The following LGR4 variants were observed in gnomAD, a reference collection of about 807,000 sequenced individuals.
LGR4 encodes the protein leucine-rich repeat-containing G protein-coupled receptor 4.
In LGR4, 44 loss-of-function variants were observed where a neutral mutation model predicts 84.8. That is an observed-to-expected ratio of 0.52 (90% CI 0.41 to 0.67). The LOEUF (loss-of-function observed/expected upper bound fraction) is 0.67, where lower values mean the gene tolerates loss of function less well. Ranked by LOEUF, LGR4 falls within the 30% of genes least tolerant of loss-of-function variation. LGR4 has a pLI of 0.00. For missense variants in LGR4, 1,032 were observed against 1,131.4 expected, an observed-to-expected ratio of 0.91 and a Z score of 1.26; for synonymous variants, 429 against 434.3, an observed-to-expected ratio of 0.99 and a Z score of 0.15.
chr11:27,384,335 C>G lies in LGR4; in HGVS notation c.689+1G>C. On this transcript the variant is annotated splice_donor_variant, in intron 6 of 17. Coordinates refer to ENST00000379214, the MANE Select transcript of LGR4 (RefSeq NM_018490.5). LOFTEE classifies it high-confidence loss of function. Reference sequence around the variant, plus strand: ...GTTGCCCAAAATATGAATATACTTACAAGGTCTCCAGGTTATCTAGTCCAT... The same window carrying G: ...GTTGCCCAAAATATGAATATACTTAGAAGGTCTCCAGGTTATCTAGTCCAT... 6.3e-7 allele frequency: 1 copy of G among 1,589,022 alleles called. No homozygotes were observed. Among genetic ancestry groups the G allele is most frequent in the Non-Finnish European group, 8.6e-7 (1 of 1,158,664 alleles).
intron 2 of LGR4, among the ~76,000 whole-genome samples, chr11:27,407,056 T>C (rs1431611649): frequency 2.0e-5 from 3 of 152,168 alleles, no homozygotes; most frequent in African/African-American, 7.2e-5. Flanking sequence ...CATTGAACTC[T>C]GTAAGGTCTA....
At chr11:27,371,794 C>T (rs1211640031) in intron 16 of LGR4, 96 bp from the exon 17 acceptor site, 8 of 806,272 alleles carry the variant, frequency 9.9e-6, no homozygotes, top group Non-Finnish European at 1.6e-5. Flanking sequence ...AGTGTGAGTT[C>T]TCCTTATAGA....
At chr11:27,414,390 G>A (rs1156316319) in intron 1 of LGR4, among the ~76,000 whole-genome samples, 3 of 145,440 alleles carry the variant, frequency 2.1e-5, no homozygotes, top group Admixed American at 6.8e-5. Context: ...CTTGACAACC[G>A]GGGTTTAAAA....
chr11:27,472,486 G>C lies in LGR4; in HGVS notation c.-184C>G. On this transcript the variant is annotated 5_prime_UTR_variant, in exon 1 of 18. Coordinates refer to ENST00000379214, the MANE Select transcript of LGR4 (RefSeq NM_018490.5). ...AGCGGCGCAGGGACGCGGCGCTCCG[G>C]AGTTTCGCCCTTCCCGCTGCTCCAT... 2.5e-6 allele frequency: 1 copy of C among 406,596 alleles called. No homozygotes were observed. 25.2% of individuals were successfully genotyped at this position (406,596 alleles called of 1,614,324 possible). A position where few individuals can be genotyped will look rare whatever the true frequency, so the allele number is the denominator to read the frequency against.
intron 12 of LGR4, among the ~76,000 whole-genome samples, 169 bp downstream of exon 12, chr11:27,376,989 A>G (rs555048482): frequency 6.6e-6 from 1 of 152,314 alleles, no homozygotes; most frequent in African/African-American, 2.4e-5. Flanking sequence ...TGCCTAATAC[A>G]TGCTGGTTGC....
chr11:27,414,640 C>T (rs1590375070), intron 1 of LGR4, among the ~76,000 whole-genome samples: 1 of 151,914 alleles, frequency 6.6e-6, no homozygotes, highest in African/African-American at 2.4e-5. Context: ...ATTTTAAAAC[C>T]CAGGCCCCAA....
Position 27,439,776 on chromosome 11 carries a change from G to A in LGR4, c.186-26916C>T, listed in dbSNP as rs1185298925. On this transcript the variant is annotated intron_variant, in intron 1 of 17. Coordinates refer to ENST00000379214, the MANE Select transcript of LGR4 (RefSeq NM_018490.5). ...TGCTCCACTTCCCTCCCTGTACCCT[G>A]GCCATTTTATGAAGCAGGTAGTGAG... Among the ~76,000 whole-genome samples the A allele has an allele frequency of 1.3e-4, 19 of 151,924 alleles. No homozygotes were observed. In the South Asian group the frequency reaches 4.0e-3, roughly 32 times the overall value.
intron 2 of LGR4, among the ~76,000 whole-genome samples, chr11:27,402,549 C>T (rs924871864): frequency 6.6e-6 from 1 of 152,128 alleles, no homozygotes; most frequent in South Asian, 2.1e-4. Context: ...TGAGTTTTGT[C>T]ACTTGCTGCC....
chr11:27,424,609 G>A (rs577856227), intron 1 of LGR4, among the ~76,000 whole-genome samples: 8 of 152,220 alleles, frequency 5.3e-5, no homozygotes, highest in African/African-American at 7.2e-5. Flanking sequence ...GAAACCCCAC[G>A]GAGCTCACGG....
At chr11:27,399,147 G>T (rs1292640031) in intron 2 of LGR4, among the ~76,000 whole-genome samples, 1 of 152,096 alleles carries the variant, frequency 6.6e-6, no homozygotes, top group Non-Finnish European at 1.5e-5. Context: ...CTGACCTCAG[G>T]TGATCCACCC....
rs1167324803 is a variant in LGR4, at chr11:27,381,113, AATTTT to A, written c.759-152_759-148del. 1.8e-5 allele frequency: 10 copies of A among 552,410 alleles called. No individual in the cohort carries two copies. In the East Asian group the frequency reaches 2.0e-4, roughly 11 times the overall value. 34.2% of individuals were successfully genotyped at this position (552,410 alleles called of 1,614,324 possible). Reference sequence around the variant, plus strand: ...AAAAGCATAGGAAATCTCAAATTTTAATTTTATTTTATCTTTTTCAGTATCATACC... The same window carrying A: ...AAAAGCATAGGAAATCTCAAATTTTAATTTTATCTTTTTCAGTATCATACC... On this transcript the variant is annotated intron_variant, in intron 7 of 17. Transcript: ENST00000379214.
In LGR4 at chr11:27,412,858, T is replaced by G. The variant is rs1480966678; in HGVS notation, c.188A>C (p.Asp63Ala). Residue 63 changes from aspartate to alanine, a missense_variant and splice_region_variant, in exon 2 of 18, where the codon GAT becomes GCT. Coordinates refer to ENST00000379214, the MANE Select transcript of LGR4 (RefSeq NM_018490.5). ...EGLSAFTQALDISMNNITQLP... is the reference protein window; with the variant it reads ...EGLSAFTQALAISMNNITQLP... ...CTGAGTAATGTTGTTCATACTGATA[T>G]CCCTGGAAAACGTAAAGTTAAGAAT... The G allele has an allele frequency of 6.3e-7, 1 of 1,595,282 alleles. No individual in the cohort carries two copies. Among genetic ancestry groups the G allele is most frequent in the East Asian group, 2.2e-5 (1 of 44,680 alleles).
At chr11:27,449,286 A>G (rs1864442911) in intron 1 of LGR4, among the ~76,000 whole-genome samples, 1 of 152,170 alleles carries the variant, frequency 6.6e-6, no homozygotes, top group African/African-American at 2.4e-5. Flanking sequence ...CTATTCAATC[A>G]TTTTGTCAAA....
At chr11:27,385,502 A>G (rs753989528) in intron 4 of LGR4, 34 bp from the exon 5 acceptor site, 1 of 1,421,380 alleles carries the variant, frequency 7.0e-7, no homozygotes, top group Admixed American at 1.9e-5. Context: ...GTTCAGTAAC[A>G]AATTCTAGTG....
chr11:27,448,281 C>CT (rs1241418974), intron 1 of LGR4, among the ~76,000 whole-genome samples: 1 of 141,216 alleles, frequency 7.1e-6, no homozygotes, highest in Non-Finnish European at 1.6e-5. Context: ...TTCAGTTGTT[C>CT]TTTTTTTTCT....
chr11:27,451,710 G>A (rs891583940), intron 1 of LGR4, among the ~76,000 whole-genome samples: 1 of 152,114 alleles, frequency 6.6e-6, no homozygotes, highest in Non-Finnish European at 1.5e-5. Flanking sequence ...GCAAGAAATT[G>A]GTTAATCCAG....
rs1405683740 is a variant in LGR4 at position 27,368,763 on chromosome 11, C to T, written c.1960G>A (p.Gly654Arg). The change falls in exon 18 of 18, where the codon GGG (glycine) becomes AGG (arginine). Residue 654 changes from glycine (G) to arginine (R), a missense_variant. Transcript: ENST00000379214. Reference sequence around the variant, plus strand: ...AACTGTTTGAGATGATTGCTCTTCCCATTTTTCATTATATCTTTTGCAGAT... The same window carrying T: ...AACTGTTTGAGATGATTGCTCTTCCTATTTTTCATTATATCTTTTGCAGAT... ...SLSAKDIMKN[G>R]KSNHLKQFRV... The T allele has an allele frequency of 1.2e-6, 2 of 1,613,838 alleles. No individual in the cohort carries two copies. Among genetic ancestry groups the T allele is most frequent in the Non-Finnish European group, 1.7e-6 (2 of 1,179,962 alleles).
At chr11:27,406,108 T>G (rs759823569) in intron 2 of LGR4, among the ~76,000 whole-genome samples, 1 of 152,196 alleles carries the variant, frequency 6.6e-6, no homozygotes, top group African/African-American at 2.4e-5. Flanking sequence ...TCTTTGCTCA[T>G]GCTCCTCTGC....
At chr11:27,426,441 T>C in intron 1 of LGR4, among the ~76,000 whole-genome samples, 1 of 152,210 alleles carries the variant, frequency 6.6e-6, no homozygotes, top group East Asian at 1.9e-4. Flanking sequence ...CTTTATCCTA[T>C]AAATAGTATC....
Sources: allele counts gnomAD v4.1 joint callset (sites outside exome capture counted in the v4.1 genomes callset), GRCh38; gene constraint gnomAD v4.1.1; transcripts MANE v1.5; gene names NCBI Gene and HGNC (gene_info 2026-07-23, HGNC 2026-07-21).